The following DTWD2 variants were observed in gnomAD, a reference collection of about 807,000 sequenced individuals.
DTWD2 encodes tRNA-uridine aminocarboxypropyltransferase 2.
Under a neutral mutation model 31.8 loss-of-function variants are expected in DTWD2, and 39 were observed. That is an observed-to-expected ratio of 1.22 (90% CI 0.95 to 1.60). The LOEUF is 1.60. DTWD2 is among the 40% of genes most tolerant of loss of function. DTWD2 has a pLI of 0.00. For missense variants in DTWD2, 515 were observed against 381.5 expected, an observed-to-expected ratio of 1.35 and a Z score of -2.92; for synonymous variants, 180 against 142.8, an observed-to-expected ratio of 1.26 and a Z score of -1.86.
chr5:118,920,846 T>C (rs756870197), intron 4 of DTWD2, among the ~76,000 whole-genome samples: 14 of 152,188 alleles, frequency 9.2e-5, no homozygotes, highest in African/African-American at 3.1e-4. Context: ...GTTTTTTCCA[T>C]GACCTGTGTT....
At chr5:118,973,793 A>T in intron 1 of DTWD2, 1 of 1,611,784 alleles carries the variant, frequency 6.2e-7, no homozygotes, top group Non-Finnish European at 8.5e-7. Context: ...GGCGTGCCCC[A>T]CCATGTCAGA....
intron 4 of DTWD2, among the ~76,000 whole-genome samples, chr5:118,922,135 G>A (rs936711312): frequency 6.6e-6 from 1 of 152,152 alleles, no homozygotes; most frequent in African/African-American, 2.4e-5. Context: ...AGGGTCTTGT[G>A]TATAAAATTC....
chr5:118,887,780 G>C (rs1038973009), intron 4 of DTWD2, among the ~76,000 whole-genome samples: 1 of 152,122 alleles, frequency 6.6e-6, no homozygotes, highest in Non-Finnish European at 1.5e-5. Context: ...CACCACACTT[G>C]ACTAATTGTT....
Position 118,838,622 on chromosome 5 carries a change from TGTTAAG to T in DTWD2, c.*2289_*2294del, listed in dbSNP as rs1344205807. On this transcript the variant is annotated 3_prime_UTR_variant, in exon 6 of 6. Transcript: ENST00000510708. ...CACAGATGATTAAATGGACTCACCT[TGTTAAG>T]AGGTCAGGAAAAAATAAGTAAAAAA... 6.6e-6 allele frequency: 1 copy of T among 152,106 alleles called. No individual in the cohort carries two copies. Among genetic ancestry groups the T allele is most frequent in the African/African-American group, 2.4e-5 (1 of 41,414 alleles). 9.4% of individuals were successfully genotyped at this position (152,106 alleles called of 1,614,324 possible).
chr5:118,892,401 G>A lies in DTWD2; in HGVS notation c.597+36136C>T, dbSNP rs189875388. On this transcript the variant is annotated intron_variant, in intron 4 of 5. Coordinates refer to ENST00000510708, the MANE Select transcript of DTWD2 (RefSeq NM_173666.4). ...TTTAACTCAGAAGCAAAAGTATATC[G>A]GTTTAAAAACTATGCCTGTTCACAG... is the stretch of plus-strand genomic sequence containing the variant. Among the ~76,000 whole-genome samples, 22 of 151,940 alleles carry A rather than the reference G, an allele frequency of 1.4e-4. 1 individual carries two copies. The East Asian group carries it at 1.5e-3, about 11-fold the overall frequency.
chr5:118,975,982 A>G (rs1254183520), intron 1 of DTWD2, among the ~76,000 whole-genome samples: 3 of 152,128 alleles, frequency 2.0e-5, no homozygotes, highest in African/African-American at 4.8e-5. Context: ...AATGGAAATC[A>G]TAACAGTCTC....
At chr5:118,849,027 G>A (rs1751933888) in intron 4 of DTWD2, among the ~76,000 whole-genome samples, 1 of 152,144 alleles carries the variant, frequency 6.6e-6, no homozygotes, top group Non-Finnish European at 1.5e-5. Context: ...TGACAAATGG[G>A]ATCTAATTAA....
At chr5:118,901,266 G>A (rs1193196317) in intron 4 of DTWD2, among the ~76,000 whole-genome samples, 1 of 152,042 alleles carries the variant, frequency 6.6e-6, no homozygotes, top group East Asian at 1.9e-4. Context: ...AAAGGGGAGG[G>A]GAGAATTCCA....
intron 4 of DTWD2, among the ~76,000 whole-genome samples, chr5:118,898,946 G>A (rs1015713533): frequency 2.6e-5 from 4 of 152,234 alleles, no homozygotes; most frequent in Non-Finnish European, 5.9e-5. Flanking sequence ...CTGTGAAATC[G>A]CCTGCTTACT....
At chr5:118,935,345 G>A (rs945175145) in intron 3 of DTWD2, among the ~76,000 whole-genome samples, 1 of 152,196 alleles carries the variant, frequency 6.6e-6, no homozygotes, top group Non-Finnish European at 1.5e-5. Context: ...AAGCTGATCA[G>A]TCAGAAGTTC....
intron 4 of DTWD2, among the ~76,000 whole-genome samples, chr5:118,887,466 A>G (rs1443528927): frequency 1.3e-5 from 2 of 152,214 alleles, no homozygotes; most frequent in Non-Finnish European, 2.9e-5. Context: ...TACAATAAAT[A>G]CTGACTATCC....
At chr5:118,920,770 A>T (rs909885504) in intron 4 of DTWD2, among the ~76,000 whole-genome samples, 2 of 152,184 alleles carry the variant, frequency 1.3e-5, no homozygotes, top group African/African-American at 4.8e-5. Context: ...GTCTGTTTAT[A>T]TCTATGTGTT....
chr5:118,930,773 A>G (rs1302006318), intron 3 of DTWD2, among the ~76,000 whole-genome samples: 1 of 152,236 alleles, frequency 6.6e-6, no homozygotes, highest in African/African-American at 2.4e-5. Context: ...TTTATATGGA[A>G]TATCAGATAT....
At chr5:118,959,245 A>G (rs1754656198) in intron 1 of DTWD2, among the ~76,000 whole-genome samples, 1 of 152,216 alleles carries the variant, frequency 6.6e-6, no homozygotes, top group Non-Finnish European at 1.5e-5. Flanking sequence ...CAACTTCAGC[A>G]AAGTTTCAGG....
rs1273523793 is a variant in DTWD2 at position 118,988,441 on chromosome 5, T to G, written c.71A>C (p.Gln24Pro). The G allele has an allele frequency of 1.2e-6, 2 of 1,607,216 alleles. No individual in the cohort carries two copies. ...CCGCCGCTCCTTGTCGTTCGGCGTC[T>G]GAGAGCTTGAGGCCCCAGAAGGCCG... is the stretch of plus-strand genomic sequence containing the variant. ...VARPSGASSS[Q>P]TPNDKERREG... The change falls in exon 1 of 6, where the codon CAG becomes CCG. Residue 24 changes from glutamine to proline, a missense_variant. Transcript: ENST00000510708.
At chr5:118,937,363 G>A (rs568701706) in intron 3 of DTWD2, among the ~76,000 whole-genome samples, 1 of 142,688 alleles carries the variant, frequency 7.0e-6, no homozygotes, top group African/African-American at 2.6e-5. Context: ...CATGAAGGCA[G>A]CTCTTATATG....
At chr5:118,979,794 A>T (rs1230665031) in intron 1 of DTWD2, among the ~76,000 whole-genome samples, 2 of 152,250 alleles carry the variant, frequency 1.3e-5, no homozygotes, top group African/African-American at 4.8e-5. Context: ...CGGGAGCTGA[A>T]CAATGAGAAC....
At chr5:118,844,289 T>C (rs1042590248) in intron 5 of DTWD2, among the ~76,000 whole-genome samples, 2 of 152,212 alleles carry the variant, frequency 1.3e-5, no homozygotes, top group African/African-American at 2.4e-5. Flanking sequence ...GCAGGAGGTT[T>C]TGCCACATCT....
chr5:118,944,590 G>T lies in DTWD2; in HGVS notation c.278C>A (p.Thr93Asn). The change falls in exon 2 of 6, where the codon ACC (threonine) becomes AAC (asparagine). Residue 93 changes from threonine to asparagine, a missense_variant. By Grantham distance (65) the Thr-to-Asn change is moderately conservative. Coordinates refer to ENST00000510708, the MANE Select transcript of DTWD2 (RefSeq NM_173666.4). The stretch of plus-strand genomic sequence containing the variant: ...TGGATGCTGAATTATGTACAAGTGG[G>T]TAGAGATATGCAGAGGGTGCGCTGG... ...FLPAHPLHIS[T>N]HLYIIQHPAE... 6.2e-7 allele frequency: 1 copy of T among 1,613,506 alleles called. No individual in the cohort carries two copies.
Sources: gnomAD v4.1 joint callset for allele counts (sites outside exome capture counted in the v4.1 genomes callset) on GRCh38, gnomAD v4.1.1 for gene constraint, MANE v1.5 for transcripts, NCBI Gene and HGNC (gene_info 2026-07-23, HGNC 2026-07-21) for gene names.